STRN3: variants seen among roughly 807,000 people sequenced by gnomAD.
STRN3 encodes the protein striatin-3.
In STRN3, 29 loss-of-function variants were observed where a neutral mutation model predicts 95.6. That is an observed-to-expected ratio of 0.30 (90% confidence interval 0.23 to 0.41). The LOEUF (loss-of-function observed/expected upper bound fraction) is 0.41. STRN3 is among the 10% of genes least tolerant of loss of function. STRN3 has a pLI of 1.00. For synonymous variants in STRN3, 331 were observed against 357.6 expected (o/e 0.93, Z 0.84); for missense variants, 890 against 972.1 (o/e 0.92, Z 1.12).
intron 1 of STRN3, among the ~76,000 whole-genome samples, chr14:31,001,250 C>G (rs912911041): frequency 6.6e-6 from 1 of 152,238 alleles, no homozygotes; most frequent in Admixed American, 6.5e-5. Flanking sequence ...GAATAAAAAG[C>G]AGCAGCCAAA....
chr14:31,021,916 T>C (rs1461870445), intron 1 of STRN3, among the ~76,000 whole-genome samples: 1 of 152,140 alleles, frequency 6.6e-6, no homozygotes, highest in African/African-American at 2.4e-5. Context: ...CTAAACTTCA[T>C]TTCAAGGGCT....
At chr14:30,941,144 A>G (rs1266111512) in intron 5 of STRN3, among the ~76,000 whole-genome samples, 1 of 152,188 alleles carries the variant, frequency 6.6e-6, no homozygotes, top group Non-Finnish European at 1.5e-5. Context: ...TAGACTTCCC[A>G]ACCTCCTGAG....
chr14:30,910,739 G>A (rs953708558), intron 13 of STRN3, among the ~76,000 whole-genome samples: 1 of 151,842 alleles, frequency 6.6e-6, no homozygotes, highest in Non-Finnish European at 1.5e-5. Context: ...TATTTCTTAA[G>A]TTCAAAATTT....
intron 7 of STRN3, among the ~76,000 whole-genome samples, chr14:30,929,633 T>C (rs1437692154): frequency 6.6e-6 from 1 of 151,948 alleles, no homozygotes; most frequent in African/African-American, 2.4e-5. Context: ...TTTATAAAAA[T>C]GTTAATAAAA....
At chr14:30,919,400 G>C (rs1430877207) in intron 8 of STRN3, among the ~76,000 whole-genome samples, 1 of 151,148 alleles carries the variant, frequency 6.6e-6, no homozygotes, top group Non-Finnish European at 1.5e-5. Flanking sequence ...GAATACTTTA[G>C]AGAGTTCTTT....
chr14:31,018,416 G>A (rs2295131), intron 1 of STRN3: 51,319 of 370,046 alleles, frequency 0.14, 3,962 homozygotes, highest in South Asian at 0.19. Context: ...ACAAGCAAGC[G>A]AACTTTATTC....
At chr14:30,899,017 G>T (rs1283121143) in intron 16 of STRN3, among the ~76,000 whole-genome samples, 1 of 152,172 alleles carries the variant, frequency 6.6e-6, no homozygotes. Flanking sequence ...ACCTTACAGA[G>T]TTATTAGAAA....
At chr14:30,931,711 T>C (rs569214001) in intron 7 of STRN3, among the ~76,000 whole-genome samples, 120 of 152,342 alleles carry the variant, frequency 7.9e-4, no homozygotes, top group Non-Finnish European at 1.4e-3. Context: ...CAACTATTGC[T>C]TTTGACAATG....
intron 1 of STRN3, among the ~76,000 whole-genome samples, chr14:30,960,254 C>T (rs1880123448): frequency 6.6e-6 from 1 of 152,042 alleles, no homozygotes; most frequent in South Asian, 2.1e-4. Context: ...TGTGGGAGTA[C>T]TGCTTGAGCC....
At position 31,019,714 on chromosome 14, in the gene STRN3, C is replaced by T. The variant is rs117092855; in HGVS notation, c.282+6190G>A. ...GGGCATTCTAAGCAAAATTTTCTTA[C>T]CTTTTTTGAAAAAAAACTAGAAGAG... is the stretch of plus-strand genomic sequence containing the variant. On this transcript the variant is annotated intron_variant, in intron 1 of 17. Coordinates refer to ENST00000357479, the MANE Select transcript of STRN3 (RefSeq NM_001083893.2). Among the ~76,000 whole-genome samples the T allele has an allele frequency of 1.8e-3, 277 of 151,832 alleles. 5 individuals are homozygous for T. In the East Asian group the frequency reaches 0.032, roughly 17 times the overall value.
rs1479523855 is a variant in STRN3 at position 30,934,256 on chromosome 14, G to A, written c.988+907C>T. 5.9e-5 allele frequency among the ~76,000 whole-genome samples: 9 copies of A among 152,224 alleles called. No individual in the cohort carries two copies. The East Asian group carries it at 1.5e-3, about 26-fold the overall frequency. ...GGAGAATCACTTGAACGTGGGAGAC[G>A]GAGGTTGCAGTGAGCCAAGATTGCA... is the stretch of plus-strand genomic sequence containing the variant. On this transcript the variant is annotated intron_variant, in intron 7 of 17. Coordinates refer to ENST00000357479, the MANE Select transcript of STRN3 (RefSeq NM_001083893.2).
At chr14:30,985,054 C>T (rs984119183) in intron 1 of STRN3, among the ~76,000 whole-genome samples, 13 of 152,034 alleles carry the variant, frequency 8.6e-5, no homozygotes, top group African/African-American at 3.1e-4. Context: ...CGGTGGTTCA[C>T]ACCTGTAATC....
In STRN3 at chr14:30,911,062, C is replaced by T; in HGVS notation, c.1699G>A (p.Val567Ile). 1 of 1,613,944 alleles carries T rather than the reference C, an allele frequency of 6.2e-7. No homozygotes were observed. The highest frequency in any genetic ancestry group is 8.5e-7 in the Non-Finnish European group (1 of 1,179,964). Reference protein sequence around the residue: ...IQWWNMPSPSVDPYDTYEPNV... With the variant: ...IQWWNMPSPSIDPYDTYEPNV... Reference sequence around the variant, plus strand: ...TTACCATATGTATCATATGGATCTACACTGGGACTCGGCATATTCCACCAC... The same window carrying T: ...TTACCATATGTATCATATGGATCTATACTGGGACTCGGCATATTCCACCAC... The change falls in exon 13 of 18, where the codon GTA (valine) becomes ATA (isoleucine). Residue 567 changes from valine (V) to isoleucine (I), a missense_variant. By Grantham distance (29) the Val-to-Ile change is conservative. Around this residue, in one of 3 missense-constraint regions of STRN3, gnomAD observed 357 missense variants for 422.8 expected, o/e 0.84. Coordinates refer to ENST00000357479, the MANE Select transcript of STRN3 (RefSeq NM_001083893.2).
chr14:31,001,817 G>A (rs1189143706), intron 1 of STRN3, among the ~76,000 whole-genome samples: 1 of 151,840 alleles, frequency 6.6e-6, no homozygotes, highest in African/African-American at 2.4e-5. Flanking sequence ...CCTGAGGTCA[G>A]GAGTTCCAGA....
intron 1 of STRN3, among the ~76,000 whole-genome samples, chr14:30,969,457 A>C (rs1228056646): frequency 1.3e-5 from 2 of 152,130 alleles, no homozygotes; most frequent in East Asian, 3.8e-4. Context: ...AAGTCTATAA[A>C]AATCTTACCT....
intron 1 of STRN3, among the ~76,000 whole-genome samples, chr14:31,002,727 G>T (rs1464541848): frequency 6.6e-6 from 1 of 152,000 alleles, no homozygotes; most frequent in African/African-American, 2.4e-5. Context: ...GGGAAATAAG[G>T]CAGTCACAAA....
At chr14:30,924,530 G>C (rs1051277382) in intron 8 of STRN3, among the ~76,000 whole-genome samples, 2 of 151,962 alleles carry the variant, frequency 1.3e-5, no homozygotes, top group Non-Finnish European at 2.9e-5. Flanking sequence ...GACCTCAGGT[G>C]ATCTGCCCGC....
intron 1 of STRN3, among the ~76,000 whole-genome samples, chr14:31,004,873 T>C (rs1882644616): frequency 6.6e-6 from 1 of 152,062 alleles, no homozygotes; most frequent in Non-Finnish European, 1.5e-5. Context: ...TAGAAGTTAA[T>C]TTTGCCAAGG....
In STRN3 at chr14:30,979,033, CAAAAAAAAAAAA is replaced by C. The variant is rs10585744; in HGVS notation, c.283-22803_283-22792del. Among the ~76,000 whole-genome samples the C allele has an allele frequency of 3.1e-4, 20 of 65,474 alleles. No homozygotes were observed. The East Asian group carries it at 5.4e-3, about 18-fold the overall frequency. 43.0% of individuals were successfully genotyped at this position (65,474 alleles called of 152,430 possible). A position where few individuals can be genotyped will look rare whatever the true frequency, so the allele number is the denominator to read the frequency against. ...TGGGCAACAGTGTGAGACTCCATCTCAAAAAAAAAAAAAAAAAAAAAAAAAAAGGCAATTACA... is the reference window on the plus strand; with the variant it reads ...TGGGCAACAGTGTGAGACTCCATCTCAAAAAAAAAAAAAAAGGCAATTACA... On this transcript the variant is annotated intron_variant, in intron 1 of 17. Coordinates refer to ENST00000357479, the MANE Select transcript of STRN3 (RefSeq NM_001083893.2).
Sources: gnomAD v4.1 joint callset for allele counts (sites outside exome capture counted in the v4.1 genomes callset) on GRCh38, gnomAD v4.1.1 for gene constraint, gnomAD v4.1.1 regional missense constraint, MANE v1.5 for transcripts, NCBI Gene and HGNC (gene_info 2026-07-23, HGNC 2026-07-21) for gene names.